MGAT5B: variants seen among roughly 807,000 people sequenced by gnomAD.
The protein encoded by MGAT5B is N-acetylglucosaminyl-transferase Vb.
A neutral mutation model predicts 95.1 loss-of-function variants in MGAT5B; 54 were observed. That is an observed-to-expected ratio of 0.57 (90% CI 0.46 to 0.71). The LOEUF (loss-of-function observed/expected upper bound fraction) is 0.71. MGAT5B is among the 30% of genes least tolerant of loss of function. The pLI, the probability that MGAT5B is intolerant of heterozygous loss-of-function variation, is 0.00. For synonymous variants in MGAT5B, 464 were observed against 451.0 expected, an observed-to-expected ratio of 1.03 and a Z score of -0.36; for missense variants, 935 against 1,088.6, an observed-to-expected ratio of 0.86 and a Z score of 1.99.
chr17:76,889,049 C>T lies in MGAT5B; in HGVS notation c.329+6751C>T, dbSNP rs966102747. ...CCTCGCTTGGCATTCTTTTACTTTCCGAGTGAGAAACGATGGTTTTGGTAG... is the reference window on the plus strand; with the variant it reads ...CCTCGCTTGGCATTCTTTTACTTTCTGAGTGAGAAACGATGGTTTTGGTAG... On this transcript the variant is annotated intron_variant, in intron 3 of 17. Transcript: ENST00000569840. This position sits in a 1 kb window ranked among gnomAD's most constrained non-coding sequence, Gnocchi z 4.4. 2.6e-5 allele frequency among the ~76,000 whole-genome samples: 4 copies of T among 152,130 alleles called. No individual in the cohort carries two copies. The highest frequency in any genetic ancestry group is 6.5e-5 in the Admixed American group (1 of 15,272).
chr17:76,871,846 A>C (rs1967023111), intron 1 of MGAT5B, among the ~76,000 whole-genome samples: 1 of 152,218 alleles, frequency 6.6e-6, no homozygotes, highest in Non-Finnish European at 1.5e-5. Flanking sequence ...AGTTCCCAGA[A>C]GAGCCCCAAG....
rs1335829128 is a variant in MGAT5B at position 76,914,533 on chromosome 17, C to T, written c.1025+8346C>T. On this transcript the variant is annotated intron_variant, in intron 8 of 17. Transcript: ENST00000569840. This position sits in a 1 kb window ranked among gnomAD's most constrained non-coding sequence, Gnocchi z 5.1. ...AGGGAAGCGTCAGTCCCAGCCTCTC[C>T]CCTGTCTTCTGGTAGCCGCAGGTGT... Among the ~76,000 whole-genome samples, 1 of 152,200 alleles carries T rather than the reference C, an allele frequency of 6.6e-6. No individual in the cohort carries two copies. The highest frequency in any genetic ancestry group is 2.4e-5 in the African/African-American group (1 of 41,446).
intron 3 of MGAT5B, among the ~76,000 whole-genome samples, chr17:76,894,785 G>A (rs1266853326): frequency 1.3e-5 from 2 of 151,606 alleles, no homozygotes; most frequent in Non-Finnish European, 2.9e-5. Flanking sequence ...CCCAGGAGGT[G>A]GAGATTACAG....
intron 9 of MGAT5B, 21 bp from the exon 10 acceptor site, chr17:76,926,576 C>T: frequency 1.3e-6 from 2 of 1,599,998 alleles, no homozygotes; most frequent in Non-Finnish European, 8.5e-7. Flanking sequence ...GACCCTGGTT[C>T]CTGGTCCCCT....
chr17:76,882,340 G>GTGGCACCAC, intron 3 of MGAT5B, 42 bp downstream of exon 3: 2 of 1,522,638 alleles, frequency 1.3e-6, no homozygotes, highest in Non-Finnish European at 1.8e-6. Context: ...CAGGGGAGCG[G>GTGGCACCAC]TGGCACCTGC....
intron 15 of MGAT5B, among the ~76,000 whole-genome samples, chr17:76,942,421 A>C (rs1481044401): frequency 2.0e-5 from 3 of 152,220 alleles, no homozygotes; most frequent in Non-Finnish European, 4.4e-5. Context: ...TGATCCACCA[A>C]GAGGCTGAGG....
At chr17:76,880,589 C>T (rs1967373867) in intron 2 of MGAT5B, among the ~76,000 whole-genome samples, 1 of 152,226 alleles carries the variant, frequency 6.6e-6, no homozygotes, top group South Asian at 2.1e-4. Flanking sequence ...CGTCACCTTC[C>T]TGGTCCTGTG....
rs1968474718 is a variant in MGAT5B, at chr17:76,905,154, TC to T, written c.691-14del. On this transcript the variant is annotated splice_polypyrimidine_tract_variant and intron_variant, in intron 6 of 17. Coordinates refer to ENST00000569840, the MANE Select transcript of MGAT5B (RefSeq NM_001199172.2). The surrounding 1 kb of genome is among the most constrained non-coding windows in gnomAD (Gnocchi z 4.2). ...CAGGTTGAGGGGCAGAGAGCTGAGG[TC>T]TGGACCCCTCCAGGCAGTTTTCCGA... 6.2e-7 allele frequency: 1 copy of T among 1,601,582 alleles called. No individual in the cohort carries two copies. The highest frequency in any genetic ancestry group is 1.3e-5 in the African/African-American group (1 of 74,638).
At chr17:76,947,393 G>C (rs1970064304) in intron 16 of MGAT5B, among the ~76,000 whole-genome samples, 1 of 152,182 alleles carries the variant, frequency 6.6e-6, no homozygotes, top group African/African-American at 2.4e-5. Context: ...GAAGCTCACA[G>C]AAAAGCATTC....
Position 76,915,618 on chromosome 17 carries a change from G to A in MGAT5B, c.1026-9348G>A, listed in dbSNP as rs1452672428. Among the ~76,000 whole-genome samples, 1 of 152,200 alleles carries A rather than the reference G, an allele frequency of 6.6e-6. No homozygotes were observed. The highest frequency in any genetic ancestry group is 1.9e-4 in the East Asian group (1 of 5,192). ...TATGATTTTCTATAATTTTCTGGAT[G>A]CTTGGAATATTTTGTAACTTATAAG... On this transcript the variant is annotated intron_variant, in intron 8 of 17. Coordinates refer to ENST00000569840, the MANE Select transcript of MGAT5B (RefSeq NM_001199172.2). This position sits in a 1 kb window ranked among gnomAD's most constrained non-coding sequence, Gnocchi z 8.7.
In MGAT5B at chr17:76,905,344, C is replaced by A; in HGVS notation, c.855+11C>A. Reference sequence around the variant, plus strand: ...AGGGACCAGAAGCAGGTGCGTGGCCCCTGCCCCCTCATGTGCAGGAGCTGA... The same window carrying A: ...AGGGACCAGAAGCAGGTGCGTGGCCACTGCCCCCTCATGTGCAGGAGCTGA... On this transcript the variant is annotated intron_variant, in intron 7 of 17. Transcript: ENST00000569840. The surrounding 1 kb of genome is among the most constrained non-coding windows in gnomAD (Gnocchi z 4.2). 6.4e-7 allele frequency: 1 copy of A among 1,571,860 alleles called. No individual in the cohort carries two copies. The highest frequency in any genetic ancestry group is 2.3e-5 in the East Asian group (1 of 43,970).
chr17:76,869,107 C>G lies in MGAT5B; in HGVS notation c.68+10C>G, dbSNP rs1180941762. On this transcript the variant is annotated intron_variant, in intron 1 of 17. Coordinates refer to ENST00000569840, the MANE Select transcript of MGAT5B (RefSeq NM_001199172.2). The surrounding 1 kb of genome is among the most constrained non-coding windows in gnomAD (Gnocchi z 7.0). ...CCCTGAGACCCTTTCGGTAAAGTTC[C>G]CTCCTGGTTGGTTTTTTCCCCAGGG... The G allele has an allele frequency of 6.2e-7, 1 of 1,613,754 alleles. No homozygotes were observed. The highest frequency in any genetic ancestry group is 1.3e-5 in the African/African-American group (1 of 74,922).
chr17:76,926,517 T>C (rs1969316765), intron 9 of MGAT5B, 80 bp from the exon 10 acceptor site: 3 of 1,409,106 alleles, frequency 2.1e-6, no homozygotes, highest in South Asian at 2.7e-5. Flanking sequence ...CTGGTGACAG[T>C]GCTCGTGGCT....
At position 76,904,385 on chromosome 17, in the gene MGAT5B, C is replaced by A; in HGVS notation, c.653C>A (p.Ala218Asp). ...CPPLPWRNQTAAQRAPKPLPK... is the reference protein window; with the variant it reads ...CPPLPWRNQTDAQRAPKPLPK... The stretch of plus-strand genomic sequence containing the variant: ...CCGCTGCCCTGGAGGAACCAGACGG[C>A]TGCCCAGAGGGCACCCAAGCCCCTC... Residue 218 changes from alanine (A) to aspartate (D), a missense_variant, in exon 6 of 18, where the codon GCT (alanine) becomes GAT (aspartate). Ala to Asp is a moderately radical substitution (Grantham distance 126). This residue lies in a region of MGAT5B where 243 missense variants were observed against 305.5 expected (regional missense o/e 0.80). Coordinates refer to ENST00000569840, the MANE Select transcript of MGAT5B (RefSeq NM_001199172.2). 1 of 1,571,148 alleles carries A rather than the reference C, an allele frequency of 6.4e-7. No homozygotes were observed. Among genetic ancestry groups the A allele is most frequent in the Non-Finnish European group, 8.6e-7 (1 of 1,158,554 alleles).
chr17:76,907,425 G>A (rs1350982164), intron 8 of MGAT5B, among the ~76,000 whole-genome samples: 1 of 152,132 alleles, frequency 6.6e-6, no homozygotes, highest in East Asian at 1.9e-4. Context: ...CTTTTGTTTT[G>A]TTCTGGTTTC....
chr17:76,901,736 C>T (rs491914), intron 3 of MGAT5B, among the ~76,000 whole-genome samples: 20,447 of 152,146 alleles, frequency 0.13, 1,807 homozygotes, highest in African/African-American at 0.22. Context: ...CAGGCTTCTG[C>T]GGGTAGAATT....
Position 76,869,094 on chromosome 17 carries a change from T to C in MGAT5B, c.65T>C (p.Phe22Ser). The C allele has an allele frequency of 1.9e-6, 3 of 1,613,774 alleles. No individual in the cohort carries two copies. The highest frequency in any genetic ancestry group is 2.5e-6 in the Non-Finnish European group (3 of 1,179,800). ...VRRCLVTLRP[F>S]RLFVLGIGFF... is the part of the protein sequence containing the mutation. ...AGATGCCTGGTCACCCTGAGACCCT[T>C]TCGGTAAAGTTCCCTCCTGGTTGGT... The change falls in exon 1 of 18, where the codon TTT (phenylalanine) becomes TCT (serine). Residue 22 changes from phenylalanine to serine, a missense_variant. This residue lies in a region of MGAT5B where 243 missense variants were observed against 228.2 expected (regional missense o/e 1.06). Transcript: ENST00000569840. This position sits in a 1 kb window ranked among gnomAD's most constrained non-coding sequence, Gnocchi z 7.0.
chr17:76,938,040 C>T lies in MGAT5B; in HGVS notation c.1481C>T (p.Thr494Ile), dbSNP rs1389981954. Residue 494 changes from threonine (T) to isoleucine (I), a missense_variant, in exon 13 of 18, where the codon ACC (threonine) becomes ATC (isoleucine). Thr to Ile is a moderately conservative substitution (Grantham distance 89, BLOSUM62 -1). Transcript: ENST00000569840. The surrounding 1 kb of genome is among the most constrained non-coding windows in gnomAD (Gnocchi z 4.3). ...ILNKYMEIHG[T>I]VYYESQRPPE... is the part of the protein sequence containing the mutation. ...AACAAATACATGGAGATCCATGGCA[C>T]CGTGTACTACGAGAGCCAGCGGCCC... The T allele has an allele frequency of 6.2e-7, 1 of 1,614,266 alleles. No homozygotes were observed. The highest frequency in any genetic ancestry group is 1.7e-5 in the Admixed American group (1 of 60,032).
At chr17:76,935,025 G>A (rs920880817) in intron 12 of MGAT5B, among the ~76,000 whole-genome samples, 1 of 152,184 alleles carries the variant, frequency 6.6e-6, no homozygotes, top group South Asian at 2.1e-4. Flanking sequence ...TGTGCTAAGC[G>A]GGTCTGTCTT....
Sources: allele counts gnomAD v4.1 joint callset (sites outside exome capture counted in the v4.1 genomes callset), GRCh38; gene constraint gnomAD v4.1.1; regional missense constraint gnomAD v4.1.1; non-coding constraint Gnocchi (gnomAD v3.1); transcripts MANE v1.5; gene names NCBI Gene and HGNC (gene_info 2026-07-23, HGNC 2026-07-21).